IDUA: variants seen among roughly 807,000 people sequenced by gnomAD.
The protein encoded by IDUA is alpha-L-iduronidase.
In IDUA, 65 loss-of-function variants were observed where a neutral mutation model predicts 68.9. That is an observed-to-expected ratio of 0.94 (90% CI 0.77 to 1.16). The LOEUF (loss-of-function observed/expected upper bound fraction) is 1.16. IDUA is among the 50% of genes most tolerant of loss of function. IDUA has a pLI of 0.00. For missense variants in IDUA, 1,046 were observed against 938.0 expected, an observed-to-expected ratio of 1.12 and a Z score of -1.50; for synonymous variants, 529 against 433.6, an observed-to-expected ratio of 1.22 and a Z score of -2.73.
chr4:991,149 C>A (rs151180930), intron 2 of IDUA: 1 of 1,552,046 alleles, frequency 6.4e-7, no homozygotes, highest in South Asian at 1.2e-5. Context: ...CGGTCATCAG[C>A]GTGAGGGCGG....
intron 12 of IDUA, 177 bp downstream of exon 12, chr4:1,003,802 A>C: frequency 1.2e-6 from 1 of 806,324 alleles, no homozygotes; most frequent in South Asian, 1.5e-5. Flanking sequence ...AGGCCCTGCC[A>C]GTGGGGTGTG....
At chr4:1,001,955 G>T in intron 6 of IDUA, 27 bp from the exon 7 acceptor site, 1 of 1,574,336 alleles carries the variant, frequency 6.4e-7, no homozygotes. Flanking sequence ...GCTGACCCTG[G>T]TGGTGCTGAG....
Position 1,000,651 on chromosome 4 carries a change from C to A in IDUA, c.339C>A (p.His113Gln). The change falls in exon 3 of 14, where the codon CAC becomes CAA. Residue 113 changes from histidine (H) to glutamine (Q), a missense_variant. By Grantham distance (24) the His-to-Gln change is conservative (BLOSUM62 0). Coordinates refer to ENST00000514224, the MANE Select transcript of IDUA (RefSeq NM_000203.5). The stretch of plus-strand genomic sequence containing the variant: ...GGGGCCTGAGCTACAACTTCACCCA[C>A]CTGGACGGGTACCTGGACCTTCTCA... ...TGRGLSYNFT[H>Q]LDGYLDLLRE... 1.2e-6 allele frequency: 2 copies of A among 1,612,788 alleles called. No homozygotes were observed. Among genetic ancestry groups the A allele is most frequent in the Non-Finnish European group, 1.7e-6 (2 of 1,179,922 alleles).
At position 1,001,999 on chromosome 4, in the gene IDUA, C is replaced by G. The variant is rs1241791378; in HGVS notation, c.810C>G (p.Ile270Met). 2.5e-6 allele frequency: 4 copies of G among 1,590,528 alleles called. No homozygotes were observed. In the African/African-American group the frequency reaches 5.3e-5, roughly 21 times the overall value. Residue 270 changes from isoleucine to methionine, a missense_variant, in exon 7 of 14, where the codon ATC becomes ATG. Physicochemically the swap from Ile to Met is conservative, Grantham distance 10. Transcript: ENST00000514224. ...GCCCGCAGGGTGCGCGCAGCTCCAT[C>G]TCCATCCTGGAGCAGGAGAAGGTCG... Reference protein sequence around the residue: ...SLHRKGARSSISILEQEKVVA... With the variant: ...SLHRKGARSSMSILEQEKVVA...
intron 2 of IDUA, chr4:991,884 C>T (rs1182742591): frequency 5.0e-6 from 7 of 1,392,806 alleles, no homozygotes; most frequent in South Asian, 1.2e-5. Context: ...CGGGCCCCAG[C>T]CCCCTGCCCG....
rs867456178 is a variant in IDUA, at chr4:1,004,083, C to T, written c.1799C>T (p.Ser600Leu). ...KAYTPVSRKP[S>L]TFNLFVFSPD... ...TACACCCCGGTCAGCAGGAAGCCAT[C>T]GACCTTCAACCTCTTTGTGTTCAGC... is the stretch of plus-strand genomic sequence containing the variant. The change falls in exon 13 of 14, where the codon TCG becomes TTG. Residue 600 changes from serine (S) to leucine (L), a missense_variant. Ser to Leu is a moderately radical substitution (Grantham distance 145, BLOSUM62 -2). Transcript: ENST00000514224. The surrounding 1 kb of genome is among the most constrained non-coding windows in gnomAD (Gnocchi z 5.0). The T allele has an allele frequency of 1.9e-6, 3 of 1,612,766 alleles. No individual in the cohort carries two copies. Among genetic ancestry groups the T allele is most frequent in the African/African-American group, 1.3e-5 (1 of 74,638 alleles).
At chr4:998,385 G>T (rs1021332031) in intron 2 of IDUA, among the ~76,000 whole-genome samples, 1 of 152,146 alleles carries the variant, frequency 6.6e-6, no homozygotes, top group Non-Finnish European at 1.5e-5. Context: ...TGACAGACGG[G>T]GAGCTGTATA....
Position 987,241 on chromosome 4 carries a change from T to C in IDUA, c.157T>C (p.Cys53Arg), listed in dbSNP as rs1713801432. ...LRRFWRSTGFCPPLPHSQADQ... is the reference protein window; with the variant it reads ...LRRFWRSTGFRPPLPHSQADQ... The stretch of plus-strand genomic sequence containing the variant: ...GCGCTTCTGGAGGAGCACAGGCTTC[T>C]GGTGAGCGCTCCGCGGCCTCCGGGA... Residue 53 changes from cysteine to arginine, a missense_variant and splice_region_variant, in exon 1 of 14, where the codon TGC (cysteine) becomes CGC (arginine). Physicochemically the swap from Cys to Arg is radical, Grantham distance 180. Coordinates refer to ENST00000514224, the MANE Select transcript of IDUA (RefSeq NM_000203.5). 1 of 1,513,776 alleles carries C rather than the reference T, an allele frequency of 6.6e-7. No individual in the cohort carries two copies. Among genetic ancestry groups the C allele is most frequent in the Non-Finnish European group, 8.8e-7 (1 of 1,138,272 alleles). 93.8% of individuals were successfully genotyped at this position (1,513,776 alleles called of 1,614,324 possible). A position where few individuals can be genotyped will look rare whatever the true frequency, so the allele number is the denominator to read the frequency against.
chr4:999,779 A>G (rs1418231905), intron 2 of IDUA: 1 of 63,658 alleles, frequency 1.6e-5, no homozygotes, highest in Non-Finnish European at 3.0e-5. Context: ...CTCGTAATGC[A>G]GGCCTCGTGG....
At chr4:997,706 T>C (rs1268183001) in intron 2 of IDUA, among the ~76,000 whole-genome samples, 1 of 152,094 alleles carries the variant, frequency 6.6e-6, no homozygotes, top group East Asian at 1.9e-4. Context: ...CCCAGTCCCC[T>C]CCCCAGCGTC....
At chr4:989,442 G>C in intron 2 of IDUA, 1 of 1,554,068 alleles carries the variant, frequency 6.4e-7, no homozygotes, top group Non-Finnish European at 8.7e-7. Flanking sequence ...CGGCCAGGCT[G>C]AGCAGCGAGA....
intron 2 of IDUA, among the ~76,000 whole-genome samples, chr4:998,248 A>G (rs1162546361): frequency 6.6e-6 from 1 of 152,094 alleles, no homozygotes; most frequent in Non-Finnish European, 1.5e-5. Flanking sequence ...AGGAGCCCAC[A>G]CCCAAAGGCT....
intron 2 of IDUA, among the ~76,000 whole-genome samples, chr4:995,807 G>A (rs1378656992): frequency 6.6e-6 from 1 of 152,262 alleles, no homozygotes; most frequent in Admixed American, 6.5e-5. Flanking sequence ...AGCCCTGGGT[G>A]AGCCCAGGGA....
At chr4:1,003,528 C>A (rs1324020834) in intron 11 of IDUA, 21 bp from the exon 12 acceptor site, 1 of 1,609,460 alleles carries the variant, frequency 6.2e-7, no homozygotes, top group East Asian at 2.2e-5. Context: ...CCGACGCCAT[C>A]ACAGCCCTTC....
chr4:994,559 T>C (rs926823787), intron 2 of IDUA, among the ~76,000 whole-genome samples: 1 of 151,464 alleles, frequency 6.6e-6, no homozygotes, highest in African/African-American at 2.4e-5. Context: ...TGCCTCAGCC[T>C]CCCGAGTAGC....
chr4:987,523 C>T (rs1713829613), intron 1 of IDUA: 2 of 941,288 alleles, frequency 2.1e-6, no homozygotes, highest in African/African-American at 1.7e-5. Flanking sequence ...TGCAGCGGGA[C>T]CTGGCCTGCC....
chr4:999,006 C>T (rs1478603921), intron 2 of IDUA, among the ~76,000 whole-genome samples: 2 of 151,998 alleles, frequency 1.3e-5, no homozygotes, highest in Non-Finnish European at 2.9e-5. Context: ...AAATGGAAAC[C>T]ATCCTGGCTA....
Position 1,004,505 on chromosome 4 carries a change from T to C in IDUA, c.*112T>C, listed in dbSNP as rs1257111630. ...CCCTTTGCAATATATTTTTATATTT[T>C]ATTATTTTCTTTTATATCTTGGTAC... On this transcript the variant is annotated 3_prime_UTR_variant, in exon 14 of 14. Coordinates refer to ENST00000514224, the MANE Select transcript of IDUA (RefSeq NM_000203.5). The surrounding 1 kb of genome is among the most constrained non-coding windows in gnomAD (Gnocchi z 5.0). The C allele has an allele frequency of 5.4e-6, 6 of 1,117,670 alleles. No homozygotes were observed. In the East Asian group the frequency reaches 1.6e-4, roughly 29 times the overall value. 69.2% of individuals were successfully genotyped at this position (1,117,670 alleles called of 1,614,324 possible). A position where few individuals can be genotyped will look rare whatever the true frequency, so the allele number is the denominator to read the frequency against.
At chr4:999,170 A>G (rs1470550892) in intron 2 of IDUA, among the ~76,000 whole-genome samples, 1 of 150,744 alleles carries the variant, frequency 6.6e-6, no homozygotes, top group Non-Finnish European at 1.5e-5. Context: ...GCGCCACTGC[A>G]CCCCAGGCTG....
Sources: allele counts gnomAD v4.1 joint callset (sites outside exome capture counted in the v4.1 genomes callset), GRCh38; gene constraint gnomAD v4.1.1; non-coding constraint Gnocchi (gnomAD v3.1); transcripts MANE v1.5; gene names NCBI Gene and HGNC (gene_info 2026-07-23, HGNC 2026-07-21).